The following IQSEC1 variants were observed in gnomAD, a reference collection of about 807,000 sequenced individuals.
IQSEC1 encodes the protein IQ motif and SEC7 domain-containing protein 1.
IQSEC1 carries 31 observed loss-of-function variants against 91.0 expected under a neutral mutation model. That is an observed-to-expected ratio of 0.34 (90% CI 0.26 to 0.46). The LOEUF (loss-of-function observed/expected upper bound fraction) is 0.46, where lower values mean the gene tolerates loss of function less well. Among genes scored for constraint, IQSEC1 ranks in the 20% least tolerant of loss-of-function variants. The pLI is 1.00. For synonymous variants in IQSEC1, 699 were observed against 662.6 expected (o/e 1.05, Z -0.84); for missense variants, 1,388 against 1,575.6 (o/e 0.88, Z 2.02).
Position 13,111,344 on chromosome 3 carries a change from G to A in IQSEC1, c.302+52760C>T, listed in dbSNP as rs116731826. 5.4e-3 allele frequency among the ~76,000 whole-genome samples: 816 copies of A among 152,306 alleles called. 8 individuals are homozygous for A. The highest frequency in any genetic ancestry group is 0.019 in the African/African-American group (773 of 41,544). The stretch of plus-strand genomic sequence containing the variant: ...CTTGGCAGCCTCGTGGGTGGTGAGG[G>A]GCTGCTGGTGGCTTTCTCATCCTTA... On this transcript the variant is annotated intron_variant, in intron 2 of 15. Transcript: ENST00000648114.
chr3:13,179,178 A>G (rs551912111), intron 1 of IQSEC1, among the ~76,000 whole-genome samples: 1 of 152,350 alleles, frequency 6.6e-6, no homozygotes, highest in South Asian at 2.1e-4. Flanking sequence ...GCAATACTCA[A>G]TAGTCTCAGT....
intron 2 of IQSEC1, among the ~76,000 whole-genome samples, chr3:13,129,937 C>T (rs1245658485): frequency 1.3e-5 from 2 of 151,860 alleles, no homozygotes; most frequent in South Asian, 2.1e-4. Flanking sequence ...GGATTACAGG[C>T]GTGAGCCACC....
chr3:12,916,594 C>G (rs1559618519), intron 6 of IQSEC1, among the ~76,000 whole-genome samples: 1 of 152,208 alleles, frequency 6.6e-6, no homozygotes, highest in African/African-American at 2.4e-5. Context: ...GATGCTCCAA[C>G]CCGGGGTAGG....
At chr3:12,955,778 C>T (rs1452933521) in intron 1 of IQSEC1, among the ~76,000 whole-genome samples, 1 of 152,224 alleles carries the variant, frequency 6.6e-6, no homozygotes, top group African/African-American at 2.4e-5. Context: ...CAGGGACCCT[C>T]GGCCTTGCCC....
intron 1 of IQSEC1, among the ~76,000 whole-genome samples, chr3:13,220,247 G>A (rs899234406): frequency 6.6e-6 from 1 of 152,230 alleles, no homozygotes; most frequent in African/African-American, 2.4e-5. Flanking sequence ...AGGGGACTGC[G>A]CCACTCAGTT....
chr3:13,249,704 C>T (rs975244981), intron 1 of IQSEC1, among the ~76,000 whole-genome samples: 11 of 152,060 alleles, frequency 7.2e-5, no homozygotes, highest in African/African-American at 2.4e-4. Flanking sequence ...TTCTGAAAAA[C>T]GAGGTGGGGG....
intron 2 of IQSEC1, among the ~76,000 whole-genome samples, chr3:13,158,870 G>A (rs749029644): frequency 1.3e-5 from 2 of 152,062 alleles, no homozygotes; most frequent in African/African-American, 2.4e-5. Flanking sequence ...GCTGAGGCAC[G>A]AGAATCGCTG....
intron 1 of IQSEC1, among the ~76,000 whole-genome samples, chr3:13,007,090 G>A (rs917015678): frequency 1.3e-5 from 2 of 152,242 alleles, no homozygotes; most frequent in Non-Finnish European, 2.9e-5. Context: ...CCCCATCCCT[G>A]CAGTGGTAGG....
At chr3:13,112,719 T>C (rs1382125915) in intron 2 of IQSEC1, among the ~76,000 whole-genome samples, 2 of 152,106 alleles carry the variant, frequency 1.3e-5, no homozygotes, top group Non-Finnish European at 2.9e-5. Flanking sequence ...CAGCTTTGGG[T>C]ACGGGGGCGA....
At chr3:13,197,180 A>G (rs960308501) in intron 1 of IQSEC1, among the ~76,000 whole-genome samples, 1 of 152,182 alleles carries the variant, frequency 6.6e-6, no homozygotes, top group Admixed American at 6.5e-5. Flanking sequence ...GATATCCCCT[A>G]CGGAAGGTCA....
Position 12,924,767 on chromosome 3 carries a change from C to A in IQSEC1, c.1569-25G>T. The stretch of plus-strand genomic sequence containing the variant: ...CCTGGGGTAGGACGAGAGGCACACT[C>A]AGTCCCAGCTGCCCGGCCACCAGCC... On this transcript the variant is annotated intron_variant, in intron 3 of 13. Transcript: ENST00000613206. The surrounding 1 kb of genome is among the most constrained non-coding windows in gnomAD (Gnocchi z 6.3). 6.5e-7 allele frequency: 1 copy of A among 1,528,412 alleles called. No homozygotes were observed. Among genetic ancestry groups the A allele is most frequent in the Middle Eastern group, 1.8e-4 (1 of 5,698 alleles). 94.7% of individuals were successfully genotyped at this position (1,528,412 alleles called of 1,614,324 possible). A position where few individuals can be genotyped will look rare whatever the true frequency, so the allele number is the denominator to read the frequency against.
At position 12,924,446 on chromosome 3, in the gene IQSEC1, G is replaced by T; in HGVS notation, c.1730+135C>A. 1.1e-6 allele frequency: 1 copy of T among 874,662 alleles called. No homozygotes were observed. Among genetic ancestry groups the T allele is most frequent in the Non-Finnish European group, 1.7e-6 (1 of 587,700 alleles). 54.2% of individuals were successfully genotyped at this position (874,662 alleles called of 1,614,324 possible). A position where few individuals can be genotyped will look rare whatever the true frequency, so the allele number is the denominator to read the frequency against. Reference sequence around the variant, plus strand: ...CTGCATGTGTGTGTCTAGGACTTAGGAAGAGAGAAAGGGGGGCCCACCACA... The same window carrying T: ...CTGCATGTGTGTGTCTAGGACTTAGTAAGAGAGAAAGGGGGGCCCACCACA... On this transcript the variant is annotated intron_variant, in intron 4 of 13. Coordinates refer to ENST00000613206, the MANE Select transcript of IQSEC1 (RefSeq NM_001134382.3). This position sits in a 1 kb window ranked among gnomAD's most constrained non-coding sequence, Gnocchi z 6.3.
At chr3:13,113,880 G>A (rs1559257893) in intron 2 of IQSEC1, among the ~76,000 whole-genome samples, 1 of 152,246 alleles carries the variant, frequency 6.6e-6, no homozygotes, top group East Asian at 1.9e-4. Flanking sequence ...CATCCATGGC[G>A]GACTGGCTAA....
At chr3:13,091,770 C>T (rs767967809) in intron 2 of IQSEC1, among the ~76,000 whole-genome samples, 10 of 152,212 alleles carry the variant, frequency 6.6e-5, no homozygotes, top group Non-Finnish European at 1.3e-4. Flanking sequence ...GAAGCTCCAA[C>T]ATAAAAAACA....
rs535091379 is a variant in IQSEC1, at chr3:13,058,011, A to T, written c.23+14981T>A. Among the ~76,000 whole-genome samples the T allele has an allele frequency of 1.6e-4, 24 of 152,336 alleles. No homozygotes were observed. In the South Asian group the frequency reaches 4.8e-3, roughly 30 times the overall value. On this transcript the variant is annotated intron_variant, in intron 1 of 13. Coordinates refer to ENST00000613206, the MANE Select transcript of IQSEC1 (RefSeq NM_001134382.3). ...TTTCAGGCCTGGCACAGTGGCTCAC[A>T]CCTATAATCCCCATACTTTGGGAGG...
At chr3:12,942,516 T>C (rs985817674) in intron 1 of IQSEC1, among the ~76,000 whole-genome samples, 1 of 151,458 alleles carries the variant, frequency 6.6e-6, no homozygotes, top group African/African-American at 2.4e-5. Flanking sequence ...GGCAGGAGAA[T>C]AGCATGAACC....
At chr3:13,133,341 A>G (rs1054068570) in intron 2 of IQSEC1, among the ~76,000 whole-genome samples, 8 of 152,236 alleles carry the variant, frequency 5.3e-5, no homozygotes, top group Non-Finnish European at 1.0e-4. Context: ...AAGTGGCTGG[A>G]CCAGGTCACA....
intron 1 of IQSEC1, among the ~76,000 whole-genome samples, chr3:13,278,540 T>C (rs1695734074): frequency 6.6e-6 from 1 of 152,048 alleles, no homozygotes; most frequent in African/African-American, 2.4e-5. Flanking sequence ...GGGGGGAGGC[T>C]GGGTGTGGTG....
Position 12,967,892 on chromosome 3 carries a change from CGGG to C in IQSEC1, c.24-26030_24-26028del, listed in dbSNP as rs910319087. ...GGCGCCGCGGAAGAAGCACAGGGGG[CGGG>C]GGGTCAGGGGCGGGGCGTCAGGGGC... On this transcript the variant is annotated intron_variant, in intron 1 of 13. Transcript: ENST00000613206. This position sits in a 1 kb window ranked among gnomAD's most constrained non-coding sequence, Gnocchi z 5.9. 1.7e-4 allele frequency among the ~76,000 whole-genome samples: 1 copy of C among 5,908 alleles called. No individual in the cohort carries two copies. The highest frequency in any genetic ancestry group is 9.5e-4 in the African/African-American group (1 of 1,058). 3.9% of individuals were successfully genotyped at this position (5,908 alleles called of 152,430 possible). A position where few individuals can be genotyped will look rare whatever the true frequency, so the allele number is the denominator to read the frequency against.
Sources: allele counts gnomAD v4.1 joint callset (sites outside exome capture counted in the v4.1 genomes callset), GRCh38; gene constraint gnomAD v4.1.1; non-coding constraint Gnocchi (gnomAD v3.1); transcripts MANE v1.5; gene names NCBI Gene and HGNC (gene_info 2026-07-23, HGNC 2026-07-21).